The following CAMKMT variants were observed in gnomAD, a reference collection of about 807,000 sequenced individuals.
CAMKMT encodes CaM KMT.
A neutral mutation model predicts 48.0 loss-of-function variants in CAMKMT; 53 were observed. The observed-to-expected ratio is 1.10, with a 90% CI of 0.89 to 1.39. The LOEUF is 1.39. Ranked by LOEUF, CAMKMT falls within the 40% of genes most tolerant of loss-of-function variation. The probability of loss-of-function intolerance (pLI) is 0.00; values close to 1 mark genes in which losing one functional copy is unlikely to be tolerated. For synonymous variants in CAMKMT, 165 were observed against 152.3 expected, an observed-to-expected ratio of 1.08 and a Z score of -0.61; for missense variants, 428 against 402.7, an observed-to-expected ratio of 1.06 and a Z score of -0.54.
intron 3 of CAMKMT, among the ~76,000 whole-genome samples, chr2:44,396,837 G>T (rs548582514): frequency 6.6e-6 from 1 of 151,896 alleles, no homozygotes; most frequent in Non-Finnish European, 1.5e-5. Context: ...AAGGTGGGCG[G>T]ATCACAAGGT....
chr2:44,714,135 G>C (rs1309688382), intron 6 of CAMKMT, among the ~76,000 whole-genome samples: 1 of 152,158 alleles, frequency 6.6e-6, no homozygotes, highest in African/African-American at 2.4e-5. Flanking sequence ...CAGGAATAGA[G>C]GTCAGTAGAG....
intron 7 of CAMKMT, among the ~76,000 whole-genome samples, chr2:44,722,751 T>G (rs1678539674): frequency 6.6e-6 from 1 of 152,224 alleles, no homozygotes; most frequent in Non-Finnish European, 1.5e-5. Flanking sequence ...TAATTGTACT[T>G]TCTAGTCCAT....
chr2:44,478,846 G>A (rs1484934410), intron 3 of CAMKMT, among the ~76,000 whole-genome samples: 2 of 151,826 alleles, frequency 1.3e-5, no homozygotes. Context: ...GACTACAGGC[G>A]CCCGCCACCA....
intron 9 of CAMKMT, among the ~76,000 whole-genome samples, chr2:44,754,354 G>A (rs554326831): frequency 2.0e-5 from 3 of 152,226 alleles, no homozygotes; most frequent in African/African-American, 7.2e-5. Flanking sequence ...AAATGCAGCC[G>A]CTTCAAAGAT....
intron 3 of CAMKMT, among the ~76,000 whole-genome samples, chr2:44,399,301 C>T (rs1054370720): frequency 2.8e-4 from 42 of 152,044 alleles, no homozygotes; most frequent in African/African-American, 1.0e-3. Context: ...TAATCCTGGA[C>T]TTTGTTTTTA....
intron 3 of CAMKMT, among the ~76,000 whole-genome samples, chr2:44,397,656 GA>G: frequency 6.6e-6 from 1 of 152,102 alleles, no homozygotes; most frequent in East Asian, 1.9e-4. Flanking sequence ...ACCAGAGAAG[GA>G]AAAAGACACA....
intron 3 of CAMKMT, among the ~76,000 whole-genome samples, chr2:44,539,447 A>C (rs2104850285): frequency 6.6e-6 from 1 of 152,294 alleles, no homozygotes; most frequent in Non-Finnish European, 1.5e-5. Context: ...TAAGAACAAG[A>C]ATTTCCTCTT....
chr2:44,508,748 TATA>T, intron 3 of CAMKMT, among the ~76,000 whole-genome samples: 1 of 152,336 alleles, frequency 6.6e-6, no homozygotes, highest in East Asian at 1.9e-4. Flanking sequence ...TATCAATTTC[TATA>T]ATATTATGTT....
intron 3 of CAMKMT, among the ~76,000 whole-genome samples, chr2:44,668,462 C>T (rs1413790735): frequency 6.6e-6 from 1 of 152,210 alleles, no homozygotes; most frequent in African/African-American, 2.4e-5. Context: ...AATCATGTGG[C>T]AGTATCACTC....
chr2:44,492,055 T>G (rs1261673459), intron 3 of CAMKMT, among the ~76,000 whole-genome samples: 1 of 152,216 alleles, frequency 6.6e-6, no homozygotes, highest in Non-Finnish European at 1.5e-5. Flanking sequence ...TAGATCTTAG[T>G]TATGATTTTA....
At chr2:44,687,325 G>A (rs764782392) in intron 3 of CAMKMT, among the ~76,000 whole-genome samples, 15 of 152,118 alleles carry the variant, frequency 9.9e-5, no homozygotes, top group Non-Finnish European at 1.9e-4. Context: ...TGATGTTTTT[G>A]TGTTCATCTT....
At chr2:44,377,162 A>G (rs777549942) in intron 2 of CAMKMT, among the ~76,000 whole-genome samples, 20 of 152,176 alleles carry the variant, frequency 1.3e-4, no homozygotes, top group Non-Finnish European at 2.5e-4. Context: ...ACATGCCACC[A>G]TGCCCAGCTA....
intron 7 of CAMKMT, among the ~76,000 whole-genome samples, chr2:44,735,990 A>C (rs757029695): frequency 6.6e-6 from 1 of 152,160 alleles, no homozygotes; most frequent in Non-Finnish European, 1.5e-5. Flanking sequence ...TTATGCTACT[A>C]TTGTCCTACT....
intron 9 of CAMKMT, among the ~76,000 whole-genome samples, chr2:44,759,903 A>G (rs999366873): frequency 2.0e-5 from 3 of 152,234 alleles, no homozygotes; most frequent in Non-Finnish European, 4.4e-5. Context: ...CAGACAATGT[A>G]AAATACAGCC....
intron 3 of CAMKMT, among the ~76,000 whole-genome samples, chr2:44,435,578 T>A (rs1423356530): frequency 1.3e-5 from 2 of 152,224 alleles, no homozygotes; most frequent in Admixed American, 1.3e-4. Flanking sequence ...ATAAAGGTGA[T>A]CCGAGTGAAT....
intron 3 of CAMKMT, among the ~76,000 whole-genome samples, chr2:44,506,093 C>T (rs1419790601): frequency 6.6e-6 from 1 of 151,958 alleles, no homozygotes; most frequent in African/African-American, 2.4e-5. Flanking sequence ...TGGGCTCAAG[C>T]AGTTCATTCC....
chr2:44,386,369 G>C (rs974484149), intron 2 of CAMKMT, among the ~76,000 whole-genome samples: 1 of 151,966 alleles, frequency 6.6e-6, no homozygotes, highest in South Asian at 2.1e-4. Flanking sequence ...AGTATCTCCT[G>C]TTTCCTAGTG....
intron 3 of CAMKMT, among the ~76,000 whole-genome samples, chr2:44,478,722 G>A (rs1478212771): frequency 7.6e-6 from 1 of 131,818 alleles, no homozygotes; most frequent in African/African-American, 2.8e-5. Flanking sequence ...TTTTTTTTGA[G>A]AGGCGTCTCG....
At position 44,722,388 on chromosome 2, in the gene CAMKMT, A is replaced by C. The variant is rs867368024; in HGVS notation, c.623+7035A>C. Reference sequence around the variant, plus strand: ...GATGTTTTCTGAGCTGCTTGCTTAGATATTCATCAGTAAAATTGGTCCAGA... The same window carrying C: ...GATGTTTTCTGAGCTGCTTGCTTAGCTATTCATCAGTAAAATTGGTCCAGA... On this transcript the variant is annotated intron_variant, in intron 7 of 10. Coordinates refer to ENST00000378494, the MANE Select transcript of CAMKMT (RefSeq NM_024766.5). 3.3e-5 allele frequency among the ~76,000 whole-genome samples: 5 copies of C among 152,206 alleles called. No homozygotes were observed. The South Asian group carries it at 6.2e-4, about 19-fold the overall frequency.
Sources: gnomAD v4.1 joint callset for allele counts (sites outside exome capture counted in the v4.1 genomes callset) on GRCh38, gnomAD v4.1.1 for gene constraint, MANE v1.5 for transcripts, NCBI Gene and HGNC (gene_info 2026-07-23, HGNC 2026-07-21) for gene names.